KLHL6: variants seen among roughly 807,000 people sequenced by gnomAD.
KLHL6 encodes the protein kelch-like protein 6.
A neutral mutation model predicts 58.6 loss-of-function variants in KLHL6; 41 were observed. The observed-to-expected ratio is 0.70, with a 90% CI of 0.55 to 0.91. KLHL6 has a LOEUF of 0.91. Ranked by LOEUF, KLHL6 falls within the 40% of genes least tolerant of loss-of-function variation. KLHL6 has a pLI of 0.00. For synonymous variants in KLHL6, 338 were observed against 322.7 expected (o/e 1.05, Z -0.51); for missense variants, 714 against 805.6 (o/e 0.89, Z 1.38).
intron 1 of KLHL6, among the ~76,000 whole-genome samples, chr3:183,542,630 T>C (rs968373080): frequency 6.6e-6 from 1 of 152,196 alleles, no homozygotes; most frequent in Non-Finnish European, 1.5e-5. Context: ...AGCTCCCATG[T>C]AGCAAACCTC....
chr3:183,541,061 A>G (rs1426697904), intron 1 of KLHL6, among the ~76,000 whole-genome samples: 1 of 152,242 alleles, frequency 6.6e-6, no homozygotes, highest in Non-Finnish European at 1.5e-5. Flanking sequence ...GTTAGGGATC[A>G]GCCTCTGCTT....
At chr3:183,523,975 G>A (rs1304908441) in intron 2 of KLHL6, among the ~76,000 whole-genome samples, 5 of 152,158 alleles carry the variant, frequency 3.3e-5, no homozygotes, top group African/African-American at 1.2e-4. Context: ...TGGCCAGGCT[G>A]GTCTGGAACT....
chr3:183,521,966 A>G (rs1711777713), intron 2 of KLHL6, among the ~76,000 whole-genome samples: 1 of 146,110 alleles, frequency 6.8e-6, no homozygotes. Flanking sequence ...AAGTGCTGGG[A>G]TTACAGGCGT....
chr3:183,525,522 G>A (rs1368458132), intron 2 of KLHL6, among the ~76,000 whole-genome samples: 1 of 152,114 alleles, frequency 6.6e-6, no homozygotes, highest in African/African-American at 2.4e-5. Flanking sequence ...CTGGAAGGTG[G>A]GGTGTTTATC....
intron 1 of KLHL6, among the ~76,000 whole-genome samples, chr3:183,553,572 T>C (rs114956652): frequency 0.014 from 2,171 of 152,336 alleles, 46 homozygotes; most frequent in African/African-American, 0.049. Context: ...TGAAAGCACG[T>C]GATCAAGGTT....
At chr3:183,531,458 T>C (rs1482528182) in intron 1 of KLHL6, among the ~76,000 whole-genome samples, 1 of 140,114 alleles carries the variant, frequency 7.1e-6, no homozygotes, top group East Asian at 2.0e-4. Flanking sequence ...TTTTTTTTTT[T>C]TTTTTTTTTG....
At chr3:183,505,185 T>C (rs1717969331) in intron 3 of KLHL6, among the ~76,000 whole-genome samples, 1 of 152,200 alleles carries the variant, frequency 6.6e-6, no homozygotes, top group African/African-American at 2.4e-5. Context: ...TGTGGTTTCC[T>C]AGGCTCCCCC....
intron 3 of KLHL6, among the ~76,000 whole-genome samples, chr3:183,506,865 TAAATAAATAAAA>T (rs1325374244): frequency 6.8e-6 from 1 of 148,140 alleles, no homozygotes; most frequent in African/African-American, 2.5e-5. Flanking sequence ...AATAAATAAA[TAAATAAATAAAA>T]GGAGAAGTCT....
At chr3:183,528,068 G>A (rs1476576363) in intron 1 of KLHL6, 58 bp from the exon 2 acceptor site, 3 of 1,593,658 alleles carry the variant, frequency 1.9e-6, no homozygotes, top group Admixed American at 3.4e-5. Flanking sequence ...CAGGCCTAAA[G>A]AGATCCCCTT....
chr3:183,540,273 C>T (rs1466345984), intron 1 of KLHL6, among the ~76,000 whole-genome samples: 2 of 152,180 alleles, frequency 1.3e-5, no homozygotes, highest in African/African-American at 4.8e-5. Context: ...ACCTGCTTGT[C>T]CTCATGTGTG....
intron 1 of KLHL6, among the ~76,000 whole-genome samples, chr3:183,534,336 G>C (rs1712289047): frequency 6.6e-6 from 1 of 151,928 alleles, no homozygotes; most frequent in African/African-American, 2.4e-5. Flanking sequence ...CCAGAGCAAG[G>C]CTGCCCAATA....
At chr3:183,509,812 A>G (rs1199026221) in intron 2 of KLHL6, among the ~76,000 whole-genome samples, 1 of 152,228 alleles carries the variant, frequency 6.6e-6, no homozygotes, top group Non-Finnish European at 1.5e-5. Context: ...CCACAGAAAC[A>G]GGTCTCATGG....
At chr3:183,504,244 A>G (rs1676155662) in intron 3 of KLHL6, among the ~76,000 whole-genome samples, 6 of 152,190 alleles carry the variant, frequency 3.9e-5, no homozygotes, top group Admixed American at 2.6e-4. Flanking sequence ...CGTTCCATTC[A>G]TTACTTAACT....
At chr3:183,502,736 C>A (rs1397941160) in intron 3 of KLHL6, among the ~76,000 whole-genome samples, 1 of 152,204 alleles carries the variant, frequency 6.6e-6, no homozygotes, top group Non-Finnish European at 1.5e-5. Flanking sequence ...CAGCCAAGAG[C>A]TTTACTGCAA....
In KLHL6 at chr3:183,550,059, C is replaced by A. The variant is rs560543037; in HGVS notation, c.293+5302G>T. On this transcript the variant is annotated intron_variant, in intron 1 of 6. Transcript: ENST00000341319. ...TCAAAGAGATTAAGTGAAAATATGA[C>A]CTATACAAAACAAGAACAGGATGTT... Among the ~76,000 whole-genome samples the A allele has an allele frequency of 3.3e-5, 5 of 151,758 alleles. No individual in the cohort carries two copies. In the South Asian group the frequency reaches 1.0e-3, roughly 32 times the overall value.
chr3:183,501,638 C>T (rs1436301263), intron 3 of KLHL6, among the ~76,000 whole-genome samples: 1 of 152,172 alleles, frequency 6.6e-6, no homozygotes, highest in Non-Finnish European at 1.5e-5. Flanking sequence ...CACCTCGTTC[C>T]TTGGTCCTGA....
chr3:183,545,776 C>T (rs1353917053), intron 1 of KLHL6, among the ~76,000 whole-genome samples: 2 of 152,222 alleles, frequency 1.3e-5, no homozygotes, highest in Non-Finnish European at 2.9e-5. Context: ...GCGACCGGTT[C>T]AATCCATAAT....
At chr3:183,550,028 T>C (rs1029862913) in intron 1 of KLHL6, among the ~76,000 whole-genome samples, 6 of 152,066 alleles carry the variant, frequency 3.9e-5, no homozygotes, top group Middle Eastern at 3.4e-3. Context: ...TTAAAAAATA[T>C]AAACCTCAAA....
intron 1 of KLHL6, among the ~76,000 whole-genome samples, chr3:183,550,970 A>C (rs1452839956): frequency 6.6e-6 from 1 of 151,826 alleles, no homozygotes; most frequent in Non-Finnish European, 1.5e-5. Context: ...AATAAAAAAA[A>C]ATTAGCTGGG....
Sources: allele counts gnomAD v4.1 joint callset (sites outside exome capture counted in the v4.1 genomes callset), GRCh38; gene constraint gnomAD v4.1.1; transcripts MANE v1.5; gene names NCBI Gene and HGNC (gene_info 2026-07-23, HGNC 2026-07-21).